The following LIN28A variants were observed in gnomAD, a reference collection of about 807,000 sequenced individuals.
LIN28A encodes the protein lin-28 RNA binding posttranscriptional regulator A.
A neutral mutation model predicts 21.1 loss-of-function variants in LIN28A; 11 were observed. That is an observed-to-expected ratio of 0.52 (90% CI 0.33 to 0.86). The LOEUF is 0.86. Ranked by LOEUF, LIN28A falls within the 40% of genes least tolerant of loss-of-function variation. The pLI is 0.03. For missense variants in LIN28A, 219 were observed against 279.8 expected, an observed-to-expected ratio of 0.78 and a Z score of 1.55; for synonymous variants, 111 against 108.7, an observed-to-expected ratio of 1.02 and a Z score of -0.13.
Position 26,417,682 on chromosome 1 carries a change from A to G in LIN28A, c.228+6100A>G, listed in dbSNP as rs2075001790. Among the ~76,000 whole-genome samples the G allele has an allele frequency of 2.6e-5, 4 of 152,250 alleles. No homozygotes were observed. In the South Asian group the frequency reaches 8.3e-4, roughly 32 times the overall value. Reference sequence around the variant, plus strand: ...GAGGGTCTTCATATCACCCCACTGCACCAGTTTGATATGAGGGTTAAATGA... The same window carrying G: ...GAGGGTCTTCATATCACCCCACTGCGCCAGTTTGATATGAGGGTTAAATGA... On this transcript the variant is annotated intron_variant, in intron 2 of 3. Coordinates refer to ENST00000326279, the MANE Select transcript of LIN28A (RefSeq NM_024674.6).
chr1:26,421,789 T>C (rs922766157), intron 2 of LIN28A, among the ~76,000 whole-genome samples: 4 of 152,158 alleles, frequency 2.6e-5, no homozygotes, highest in African/African-American at 9.7e-5. Flanking sequence ...TAACATTATT[T>C]TGATATAATT....
chr1:26,427,068 T>C lies in LIN28A; in HGVS notation c.*610T>C, dbSNP rs1234262825. 2.6e-5 allele frequency: 4 copies of C among 154,488 alleles called. No individual in the cohort carries two copies. Among genetic ancestry groups the C allele is most frequent in the Non-Finnish European group, 4.3e-5 (3 of 69,364 alleles). 9.6% of individuals were successfully genotyped at this position (154,488 alleles called of 1,614,324 possible). On this transcript the variant is annotated 3_prime_UTR_variant, in exon 4 of 4. Transcript: ENST00000326279. Reference sequence around the variant, plus strand: ...TTCTGGGCCAATGTGATTTTATTTATTTGCTCCCTTGGATACTGCACCTTG... The same window carrying C: ...TTCTGGGCCAATGTGATTTTATTTACTTGCTCCCTTGGATACTGCACCTTG...
Position 26,426,511 on chromosome 1 carries a change from G to C in LIN28A, c.*53G>C. On this transcript the variant is annotated 3_prime_UTR_variant, in exon 4 of 4. Coordinates refer to ENST00000326279, the MANE Select transcript of LIN28A (RefSeq NM_024674.6). ...GCTATCAGGAAGTTTTGAGGAGCAG[G>C]CAGAGTGGAGAAAGTGGGAATAGGG... 4 of 1,422,918 alleles carry C rather than the reference G, an allele frequency of 2.8e-6. No homozygotes were observed. Among genetic ancestry groups the C allele is most frequent in the Non-Finnish European group, 3.9e-6 (4 of 1,013,488 alleles). 88.1% of individuals were successfully genotyped at this position (1,422,918 alleles called of 1,614,324 possible).
chr1:26,417,723 G>A (rs1271045158), intron 2 of LIN28A, among the ~76,000 whole-genome samples: 7 of 152,218 alleles, frequency 4.6e-5, no homozygotes, highest in Non-Finnish European at 1.0e-4. Context: ...AACACGTAAA[G>A]TGGTTAGAAT....
At chr1:26,414,748 G>A (rs2074983382) in intron 2 of LIN28A, among the ~76,000 whole-genome samples, 1 of 152,164 alleles carries the variant, frequency 6.6e-6, no homozygotes, top group South Asian at 2.1e-4. Flanking sequence ...TCTGTCCTAT[G>A]TATTATAGGA....
At chr1:26,425,052 A>G in intron 2 of LIN28A, among the ~76,000 whole-genome samples, 1 of 152,080 alleles carries the variant, frequency 6.6e-6, no homozygotes, top group Non-Finnish European at 1.5e-5. Context: ...CCTCTGTTCT[A>G]TTTTATTAAG....
At chr1:26,419,835 C>T (rs1280300771) in intron 2 of LIN28A, among the ~76,000 whole-genome samples, 2 of 152,096 alleles carry the variant, frequency 1.3e-5, no homozygotes, top group Non-Finnish European at 2.9e-5. Flanking sequence ...GCTGGGCAAG[C>T]AAATGAAGCT....
intron 2 of LIN28A, among the ~76,000 whole-genome samples, chr1:26,423,413 C>CTTTTTTTTTTTTTTTTTTTTTTT (rs1202952934): frequency 7.6e-5 from 6 of 78,822 alleles, no homozygotes; most frequent in African/African-American, 9.8e-5. Flanking sequence ...TTTTCTTTTT[C>CTTTTTTTTTTTTTTTTTTTTTTT]TTTTTTTTTT....
intron 3 of LIN28A, among the ~76,000 whole-genome samples, chr1:26,425,823 G>A (rs2075055751): frequency 6.6e-6 from 1 of 152,362 alleles, no homozygotes. Flanking sequence ...ATCTATATCT[G>A]TTGCTGCTTT....
At chr1:26,414,595 C>T (rs960749657) in intron 2 of LIN28A, among the ~76,000 whole-genome samples, 1 of 152,176 alleles carries the variant, frequency 6.6e-6, no homozygotes, top group Non-Finnish European at 1.5e-5. Context: ...TCTATAACAA[C>T]TCTTTTCCTT....
At chr1:26,423,407 C>CTTTTTTTTTTT (rs1557763595) in intron 2 of LIN28A, among the ~76,000 whole-genome samples, 2 of 72,432 alleles carry the variant, frequency 2.8e-5, no homozygotes, top group Non-Finnish European at 5.3e-5. Context: ...CCTTTTTTTT[C>CTTTTTTTTTTT]TTTTTCTTTT....
chr1:26,414,785 C>G (rs1405101644), intron 2 of LIN28A, among the ~76,000 whole-genome samples: 1 of 152,142 alleles, frequency 6.6e-6, no homozygotes, highest in African/African-American at 2.4e-5. Flanking sequence ...TGGTCTCTAC[C>G]CACTAGAAGC....
Position 26,411,501 on chromosome 1 carries a change from G to A in LIN28A, c.147G>A (p.Val49=), listed in dbSNP as rs746420752. ...CGGGCATCTGTAAGTGGTTCAACGTGCGCATGGGGTTCGGCTTCCTGTCCA... is the reference window on the plus strand; with the variant it reads ...CGGGCATCTGTAAGTGGTTCAACGTACGCATGGGGTTCGGCTTCCTGTCCA... ...HGAGICKWFN[V]RMGFGFLSMT... Residue 49 remains valine, a synonymous_variant, in exon 2 of 4, where the codon GTG becomes GTA. Transcript: ENST00000326279. This position sits in a 1 kb window ranked among gnomAD's most constrained non-coding sequence, Gnocchi z 5.4. The A allele has an allele frequency of 6.2e-7, 1 of 1,614,146 alleles. No homozygotes were observed. Among genetic ancestry groups the A allele is most frequent in the Admixed American group, 1.7e-5 (1 of 60,008 alleles).
chr1:26,421,384 G>T (rs1040263375), intron 2 of LIN28A, among the ~76,000 whole-genome samples: 2 of 152,096 alleles, frequency 1.3e-5, no homozygotes, highest in Non-Finnish European at 2.9e-5. Flanking sequence ...ACACCAGTAG[G>T]TTATTTCCAA....
chr1:26,412,589 AAAG>A (rs907490859), intron 2 of LIN28A, among the ~76,000 whole-genome samples: 4 of 152,076 alleles, frequency 2.6e-5, no homozygotes, highest in Non-Finnish European at 4.4e-5. Flanking sequence ...CTGGATCTGG[AAAG>A]AAGAAATTGC....
At chr1:26,426,131 AAGGGAAGTAAGTG>A (rs771849261) in intron 3 of LIN28A, 98 bp from the exon 4 acceptor site, 94 of 787,456 alleles carry the variant, frequency 1.2e-4, no homozygotes, top group Non-Finnish European at 1.8e-4. Context: ...GGTCTCTGGG[AAGGGAAGTAAGTG>A]ACAAACCTGT....
Position 26,425,441 on chromosome 1 carries a change from C to T in LIN28A, c.367C>T (p.Arg123Trp), listed in dbSNP as rs761336362. The T allele has an allele frequency of 2.7e-5, 43 of 1,613,834 alleles. No individual in the cohort carries two copies. Among genetic ancestry groups the T allele is most frequent in the Non-Finnish European group, 3.5e-5 (41 of 1,179,972 alleles). The change falls in exon 3 of 4, where the codon CGG (arginine) becomes TGG (tryptophan). Residue 123 changes from arginine (R) to tryptophan (W), a missense_variant. This residue lies in a region of LIN28A where 124 missense variants were observed against 193.1 expected (regional missense o/e 0.64). Coordinates refer to ENST00000326279, the MANE Select transcript of LIN28A (RefSeq NM_024674.6). ...GGVFCIGSER[R>W]PKGKSMQKRR... ...AGTATTCTGTATTGGGAGTGAGAGG[C>T]GGCCAAAAGGAAAGAGCATGCAGAA...
chr1:26,414,775 T>C (rs1295750757), intron 2 of LIN28A, among the ~76,000 whole-genome samples: 2 of 152,182 alleles, frequency 1.3e-5, no homozygotes, highest in South Asian at 4.1e-4. Flanking sequence ...GCAGTATTCC[T>C]GGTCTCTACC....
intron 2 of LIN28A, among the ~76,000 whole-genome samples, chr1:26,421,312 A>C (rs2075027215): frequency 6.6e-6 from 1 of 152,216 alleles, no homozygotes; most frequent in African/African-American, 2.4e-5. Context: ...GTTGTTCTTA[A>C]TGGCTGCGTG....
Sources: gnomAD v4.1 joint callset for allele counts (sites outside exome capture counted in the v4.1 genomes callset) on GRCh38, gnomAD v4.1.1 for gene constraint, gnomAD v4.1.1 regional missense constraint, Gnocchi (gnomAD v3.1) non-coding constraint, MANE v1.5 for transcripts, NCBI Gene and HGNC (gene_info 2026-07-23, HGNC 2026-07-21) for gene names.